The following CTNNAL1 variants were observed in gnomAD, a reference collection of about 807,000 sequenced individuals.
The protein encoded by CTNNAL1 is alpha-catulin.
In CTNNAL1, 69 loss-of-function variants were observed where a neutral mutation model predicts 93.6. That is an observed-to-expected ratio of 0.74 (90% CI 0.61 to 0.90). CTNNAL1 has a LOEUF of 0.90. Among genes scored for constraint, CTNNAL1 ranks in the 40% least tolerant of loss-of-function variants. The pLI, the probability that CTNNAL1 is intolerant of heterozygous loss-of-function variation, is 0.00. For missense variants in CTNNAL1, 836 were observed against 862.0 expected, an observed-to-expected ratio of 0.97 and a Z score of 0.38; for synonymous variants, 286 against 305.4, an observed-to-expected ratio of 0.94 and a Z score of 0.66.
intron 12 of CTNNAL1, 98 bp downstream of exon 12, chr9:108,955,692 C>A: frequency 9.5e-7 from 1 of 1,054,722 alleles, no homozygotes; most frequent in South Asian, 1.4e-5. Flanking sequence ...TCTGTCATGT[C>A]AATTATTTGT....
chr9:108,993,528 T>C (rs1411606925), intron 2 of CTNNAL1, among the ~76,000 whole-genome samples: 1 of 152,196 alleles, frequency 6.6e-6, no homozygotes, highest in Non-Finnish European at 1.5e-5. Context: ...CTTCTTATGA[T>C]GCCCAGCATA....
intron 8 of CTNNAL1, among the ~76,000 whole-genome samples, chr9:108,973,917 A>G (rs544499121): frequency 6.6e-6 from 1 of 152,344 alleles, no homozygotes; most frequent in Admixed American, 6.5e-5. Context: ...ACAGTTAGAA[A>G]CAAAGAAACT....
chr9:108,976,594 G>A (rs572685750), intron 8 of CTNNAL1, among the ~76,000 whole-genome samples: 110 of 151,850 alleles, frequency 7.2e-4, no homozygotes, highest in Non-Finnish European at 1.3e-3. Context: ...GCAGTAGCGC[G>A]ATCATGGCTC....
intron 15 of CTNNAL1, among the ~76,000 whole-genome samples, chr9:108,945,101 T>C (rs949636776): frequency 3.3e-5 from 5 of 152,204 alleles, no homozygotes; most frequent in Admixed American, 1.3e-4. Context: ...ATGATGGTTT[T>C]AAAACTACCT....
chr9:108,972,864 G>GCGCCCCCC, intron 8 of CTNNAL1, 31 bp from the exon 9 acceptor site: 1 of 142,572 alleles, frequency 7.0e-6, no homozygotes, highest in Non-Finnish European at 1.0e-5. Flanking sequence ...GGGGGGGTGG[G>GCGCCCCCC]AGGGTGGAGA....
At chr9:108,961,386 C>T (rs1297557844) in intron 11 of CTNNAL1, among the ~76,000 whole-genome samples, 1 of 152,136 alleles carries the variant, frequency 6.6e-6, no homozygotes, top group Non-Finnish European at 1.5e-5. Context: ...TCATGAGGTT[C>T]ATGATAAAAA....
intron 2 of CTNNAL1, among the ~76,000 whole-genome samples, chr9:108,996,720 CT>C (rs61111132): frequency 0.068 from 10,022 of 146,388 alleles, 990 homozygotes; most frequent in African/African-American, 0.22. Context: ...TTTTTTATTT[CT>C]TTTTTTTTTT....
intron 15 of CTNNAL1, among the ~76,000 whole-genome samples, chr9:108,945,506 GAGTGA>G (rs1830374875): frequency 6.9e-6 from 1 of 145,948 alleles, no homozygotes; most frequent in African/African-American, 2.5e-5. Context: ...CTGTTGTCCA[GAGTGA>G]AGTGAAGTGG....
intron 12 of CTNNAL1, 140 bp downstream of exon 12, chr9:108,955,650 C>T: frequency 2.6e-6 from 2 of 756,536 alleles, no homozygotes; most frequent in Admixed American, 4.9e-5. Flanking sequence ...AGAATAACAA[C>T]TCTGAAGTCA....
In CTNNAL1 at chr9:108,952,434, T is replaced by C. The variant is rs754077027; in HGVS notation, c.1680+10A>G. The C allele has an allele frequency of 5.6e-6, 9 of 1,614,094 alleles. No homozygotes were observed. The highest frequency in any genetic ancestry group is 4.0e-5 in the African/African-American group (3 of 74,950). On this transcript the variant is annotated intron_variant, in intron 13 of 18. Transcript: ENST00000325551. ...GTTAAAGGAAGATTAGATGTAGGAA[T>C]TGGTCTTACCTCAGAGTCAGGCTTG...
intron 4 of CTNNAL1, among the ~76,000 whole-genome samples, chr9:108,984,973 T>C (rs1439473103): frequency 6.6e-6 from 1 of 152,210 alleles, no homozygotes; most frequent in East Asian, 1.9e-4. Context: ...AAGATGTTTC[T>C]TGGGTAGATA....
intron 16 of CTNNAL1, 51 bp from the exon 17 acceptor site, chr9:108,943,867 T>A: frequency 6.2e-7 from 1 of 1,603,672 alleles, no homozygotes; most frequent in Non-Finnish European, 8.5e-7. Context: ...ACTCCATCTT[T>A]AATACCTTAA....
At chr9:108,966,762 A>G (rs532813490) in intron 10 of CTNNAL1, among the ~76,000 whole-genome samples, 83 of 152,226 alleles carry the variant, frequency 5.5e-4, no homozygotes, top group Non-Finnish European at 1.0e-3. Context: ...CTTTCATATA[A>G]TAATCACTCT....
At chr9:109,011,251 G>A (rs1827193618) in intron 1 of CTNNAL1, among the ~76,000 whole-genome samples, 1 of 152,070 alleles carries the variant, frequency 6.6e-6, no homozygotes, top group South Asian at 2.1e-4. Context: ...TTCTTGTTAA[G>A]GACAGTCAAT....
Position 108,965,414 on chromosome 9 carries a change from G to A in CTNNAL1, c.1555C>T (p.Leu519=). 1 of 1,573,244 alleles carries A rather than the reference G, an allele frequency of 6.4e-7. No individual in the cohort carries two copies. The highest frequency in any genetic ancestry group is 8.6e-7 in the Non-Finnish European group (1 of 1,160,418). ...ESQISDMSTL[L]REINDVFEGR... is the part of the protein sequence containing the mutation. ...TCAAACACGTCATTGATTTCTCTCA[G>A]CAGTGTTGACATGTCACTAATTTGG... is the stretch of plus-strand genomic sequence containing the variant. The change falls in exon 11 of 19, where the codon CTG becomes TTG. Residue 519 remains leucine (L), a synonymous_variant. Coordinates refer to ENST00000325551, the MANE Select transcript of CTNNAL1 (RefSeq NM_003798.4).
Position 108,999,131 on chromosome 9 carries a change from T to C in CTNNAL1, c.267A>G (p.Ile89Met). Residue 89 changes from isoleucine to methionine, a missense_variant, in exon 2 of 19, where the codon ATA becomes ATG. Physicochemically the swap from Ile to Met is conservative, Grantham distance 10. Coordinates refer to ENST00000325551, the MANE Select transcript of CTNNAL1 (RefSeq NM_003798.4). ...CTTTCAAATCCCAGTTTTCATTGGCTATAGCTTCTCCTACTTTAACAAATC... is the reference window on the plus strand; with the variant it reads ...CTTTCAAATCCCAGTTTTCATTGGCCATAGCTTCTCCTACTTTAACAAATC... Reference protein sequence around the residue: ...VGRFVKVGEAIANENWDLKEE... With the variant: ...VGRFVKVGEAMANENWDLKEE... The C allele has an allele frequency of 6.2e-7, 1 of 1,613,762 alleles. No individual in the cohort carries two copies. Among genetic ancestry groups the C allele is most frequent in the South Asian group, 1.1e-5 (1 of 90,936 alleles).
Position 108,976,528 on chromosome 9 carries a change from CT to C in CTNNAL1, c.1188+433del, listed in dbSNP as rs796174613. 8.7e-4 allele frequency among the ~76,000 whole-genome samples: 128 copies of C among 146,584 alleles called. 3 individuals carry two copies. In the East Asian group the frequency reaches 0.013, roughly 15 times the overall value. On this transcript the variant is annotated intron_variant, in intron 8 of 18. Coordinates refer to ENST00000325551, the MANE Select transcript of CTNNAL1 (RefSeq NM_003798.4). ...TCAAAATAACTATGTCAAAGGAAAA[CT>C]TTTTTTTTTTTCTTTTTTTGAGACA...
chr9:108,943,840 T>A, intron 16 of CTNNAL1, 24 bp from the exon 17 acceptor site: 1 of 1,609,952 alleles, frequency 6.2e-7, no homozygotes, highest in Non-Finnish European at 8.5e-7. Flanking sequence ...TAACAAGTTA[T>A]AACAGCCCGC....
chr9:108,983,231 C>T lies in CTNNAL1; in HGVS notation c.814G>A (p.Val272Ile). The T allele has an allele frequency of 6.3e-7, 1 of 1,596,988 alleles. No homozygotes were observed. Among genetic ancestry groups the T allele is most frequent in the Non-Finnish European group, 8.5e-7 (1 of 1,171,460 alleles). The change falls in exon 6 of 19, where the codon GTC (valine) becomes ATC (isoleucine). Residue 272 changes from valine (V) to isoleucine (I), a missense_variant. Physicochemically the swap from Val to Ile is conservative, Grantham distance 29. Transcript: ENST00000325551. ...TTACAGTCAGTCACAATTTCAATGA[C>T]CTTATCCAATGCCACTTTCATACGG... ...FDRMKVALDKVIEIVTDCKPN... is the reference protein window; with the variant it reads ...FDRMKVALDKIIEIVTDCKPN...
Sources: gnomAD v4.1 joint callset for allele counts (sites outside exome capture counted in the v4.1 genomes callset) on GRCh38, gnomAD v4.1.1 for gene constraint, MANE v1.5 for transcripts, NCBI Gene and HGNC (gene_info 2026-07-23, HGNC 2026-07-21) for gene names.